The following UMAD1 variants were observed in gnomAD, a reference collection of about 807,000 sequenced individuals.
The protein encoded by UMAD1 is UBAP1-MVB12-associated (UMA) domain containing 1.
A neutral mutation model predicts 6.1 loss-of-function variants in UMAD1; 8 were observed. The observed-to-expected ratio is 1.30, with a 90% CI of 0.76 to 2.35. The LOEUF is 2.35. Ranked by LOEUF, UMAD1 falls within the 30% of genes most tolerant of loss-of-function variation. The pLI, the probability that UMAD1 is intolerant of heterozygous loss-of-function variation, is 0.00. For synonymous variants in UMAD1, 56 were observed against 31.4 expected (o/e 1.78, Z -2.61); for missense variants, 130 against 78.4 (o/e 1.66, Z -2.49).
chr7:7,777,028 A>G (rs115048561), intron 2 of UMAD1, among the ~76,000 whole-genome samples: 2,313 of 152,296 alleles, frequency 0.015, 57 homozygotes, highest in African/African-American at 0.052. Context: ...GTAGCTTACT[A>G]TACCAACTCG....
At chr7:7,854,493 G>A (rs1783978144) in intron 3 of UMAD1, among the ~76,000 whole-genome samples, 1 of 151,846 alleles carries the variant, frequency 6.6e-6, no homozygotes, top group Non-Finnish European at 1.5e-5. Context: ...ATGAGTACCA[G>A]CAAGGGAAAT....
intron 2 of UMAD1, among the ~76,000 whole-genome samples, chr7:7,779,210 A>G (rs1482357989): frequency 1.3e-5 from 2 of 152,202 alleles, no homozygotes; most frequent in African/African-American, 4.8e-5. Flanking sequence ...TAAAGAATTA[A>G]CCTAATCCAG....
intron 2 of UMAD1, chr7:7,738,824 G>A (rs1337512286): frequency 2.0e-5 from 3 of 152,256 alleles, no homozygotes; most frequent in Non-Finnish European, 4.4e-5. Flanking sequence ...GCCATGTGCA[G>A]GTGCCTTGAC....
intron 2 of UMAD1, among the ~76,000 whole-genome samples, chr7:7,722,552 T>C (rs1018320247): frequency 6.6e-6 from 1 of 152,126 alleles, no homozygotes; most frequent in Non-Finnish European, 1.5e-5. Context: ...GTAATGAAGT[T>C]GGTTGGTTGC....
intron 2 of UMAD1, among the ~76,000 whole-genome samples, chr7:7,771,922 T>C (rs1436272489): frequency 1.3e-5 from 2 of 152,190 alleles, no homozygotes; most frequent in African/African-American, 2.4e-5. Context: ...TGTTTAAAAA[T>C]GTGCATTAGA....
chr7:7,647,023 T>C (rs1785112708), intron 1 of UMAD1, among the ~76,000 whole-genome samples: 1 of 152,162 alleles, frequency 6.6e-6, no homozygotes, highest in Non-Finnish European at 1.5e-5. Flanking sequence ...GTTACACTAG[T>C]TTTGTGAAAT....
intron 2 of UMAD1, among the ~76,000 whole-genome samples, chr7:7,734,163 G>A (rs931834622): frequency 2.0e-5 from 3 of 151,932 alleles, no homozygotes; most frequent in African/African-American, 7.2e-5. Context: ...AGTTCTTTTT[G>A]AGATATTGTT....
intron 2 of UMAD1, chr7:7,738,495 A>G (rs574112360): frequency 5.9e-5 from 9 of 152,376 alleles, no homozygotes; most frequent in African/African-American, 2.2e-4. Context: ...AAAGTTTTGC[A>G]AAATAACATG....
rs1286217205 is a variant in UMAD1 at position 7,877,640 on chromosome 7, A to G, written c.*102A>G. 1 of 628,064 alleles carries G rather than the reference A, an allele frequency of 1.6e-6. No individual in the cohort carries two copies. The highest frequency in any genetic ancestry group is 2.9e-6 in the Non-Finnish European group (1 of 347,122). The allele number at this position is 628,064 out of a possible 1,614,324, so 38.9% of individuals were successfully genotyped here. A position where few individuals can be genotyped will look rare whatever the true frequency, so the allele number is the denominator to read the frequency against. ...CGTTTCACTGTTTAAGGTCCTCAGC[A>G]AGGATCATAAAGCAAAGAAAATAGC... On this transcript the variant is annotated 3_prime_UTR_variant, in exon 4 of 4. Coordinates refer to ENST00000682710, the MANE Select transcript of UMAD1 (RefSeq NM_001302348.2).
At chr7:7,725,385 G>A (rs183566952) in intron 2 of UMAD1, among the ~76,000 whole-genome samples, 1 of 152,308 alleles carries the variant, frequency 6.6e-6, no homozygotes, top group Admixed American at 6.5e-5. Context: ...AGATCCAATT[G>A]TGCTTAATGT....
intron 2 of UMAD1, among the ~76,000 whole-genome samples, chr7:7,766,827 T>C (rs1563189489): frequency 6.6e-6 from 1 of 152,224 alleles, no homozygotes; most frequent in Non-Finnish European, 1.5e-5. Context: ...TTTTGAAATA[T>C]TAAGATCCTG....
intron 2 of UMAD1, among the ~76,000 whole-genome samples, chr7:7,707,168 C>A (rs984195949): frequency 4.3e-4 from 65 of 152,040 alleles, no homozygotes; most frequent in Admixed American, 4.2e-3. Flanking sequence ...AATAAACAGG[C>A]AAAATCAGTT....
intron 2 of UMAD1, chr7:7,687,351 A>G (rs1780063719): frequency 6.6e-6 from 1 of 152,244 alleles, no homozygotes; most frequent in African/African-American, 2.4e-5. Flanking sequence ...AAGGGAGTAC[A>G]AAGAACTTGT....
At chr7:7,778,487 G>A (rs1228318425) in intron 2 of UMAD1, among the ~76,000 whole-genome samples, 8 of 150,784 alleles carry the variant, frequency 5.3e-5, no homozygotes, top group South Asian at 2.1e-4. Flanking sequence ...GCAGGGGTGC[G>A]ATCACAGCTC....
In UMAD1 at chr7:7,651,787, T is replaced by A. The variant is rs28916276; in HGVS notation, c.-64+10966T>A. On this transcript the variant is annotated intron_variant, in intron 1 of 3. Coordinates refer to ENST00000682710, the MANE Select transcript of UMAD1 (RefSeq NM_001302348.2). ...AAATTGGGTCTTCCGAGACTCAGAT[T>A]TTAAAAGGTCTGTGAGTGAGTTGAA... Among the ~76,000 whole-genome samples, 466 of 152,306 alleles carry A rather than the reference T, an allele frequency of 3.1e-3. 3 individuals carry two copies. The highest frequency in any genetic ancestry group is 0.01 in the African/African-American group (436 of 41,578).
At chr7:7,768,622 C>T (rs10276762) in intron 2 of UMAD1, among the ~76,000 whole-genome samples, 51,282 of 152,020 alleles carry the variant, frequency 0.34, 10,001 homozygotes, top group East Asian at 0.56. Flanking sequence ...TCATTTTATT[C>T]GCTCATGTGT....
intron 3 of UMAD1, among the ~76,000 whole-genome samples, chr7:7,837,019 G>C (rs1231883860): frequency 6.6e-6 from 1 of 150,488 alleles, no homozygotes; most frequent in Admixed American, 6.6e-5. Context: ...ATAAATGAAA[G>C]AAATCCACAT....
intron 3 of UMAD1, among the ~76,000 whole-genome samples, chr7:7,827,527 A>G (rs1448031155): frequency 6.6e-6 from 1 of 152,148 alleles, no homozygotes; most frequent in Non-Finnish European, 1.5e-5. Context: ...TAATACATAT[A>G]TTTGAAGAGG....
chr7:7,780,311 A>T lies in UMAD1; in HGVS notation c.83-21359A>T, dbSNP rs558736750. On this transcript the variant is annotated intron_variant, in intron 2 of 3. Transcript: ENST00000682710. Reference sequence around the variant, plus strand: ...CCTGCTGGCTCCTCTGTCCCTCCCAACTACCCCCACAGACTGTGCTCCCAG... The same window carrying T: ...CCTGCTGGCTCCTCTGTCCCTCCCATCTACCCCCACAGACTGTGCTCCCAG... Among the ~76,000 whole-genome samples, 36 of 152,160 alleles carry T rather than the reference A, an allele frequency of 2.4e-4. 1 individual carries two copies. The highest frequency in any genetic ancestry group is 7.7e-4 in the African/African-American group (32 of 41,516).
Sources: gnomAD v4.1 joint callset for allele counts (sites outside exome capture counted in the v4.1 genomes callset) on GRCh38, gnomAD v4.1.1 for gene constraint, MANE v1.5 for transcripts, NCBI Gene and HGNC (gene_info 2026-07-23, HGNC 2026-07-21) for gene names.